Variants in CDKL5 observed in about 807,000 individuals in gnomAD.
CDKL5 encodes cyclin-dependent kinase-like 5.
CDKL5 carries 8 observed loss-of-function variants against 61.7 expected under a neutral mutation model. The observed-to-expected ratio is 0.13, with a 90% confidence interval of 0.08 to 0.23. The LOEUF (loss-of-function observed/expected upper bound fraction) is 0.23, where lower values mean the gene tolerates loss of function less well. CDKL5 is among the 10% of genes least tolerant of loss of function. The probability of loss-of-function intolerance (pLI) is 1.00; values close to 1 mark genes in which losing one functional copy is unlikely to be tolerated. For missense variants in CDKL5, 440 were observed against 734.5 expected (o/e 0.60, Z 4.63); for synonymous variants, 275 against 272.3 (o/e 1.01, Z -0.10).
intron 3 of CDKL5, among the ~76,000 whole-genome samples, chrX:18,541,677 C>T (rs148083458): frequency 1.8e-5 from 2 of 110,685 alleles, no homozygotes; most frequent in African/African-American, 3.3e-5. Context: ...ACCACAGACG[C>T]GCCCAGCTAA....
At chrX:18,539,975 G>T (rs931306379) in intron 3 of CDKL5, among the ~76,000 whole-genome samples, 1 of 111,505 alleles carries the variant, frequency 9.0e-6, no homozygotes, top group Non-Finnish European at 1.9e-5. Flanking sequence ...TTTCTTCTAC[G>T]TACATTGAGC....
At chrX:18,437,631 G>A (rs1469546786) in intron 1 of CDKL5, among the ~76,000 whole-genome samples, 1 of 112,137 alleles carries the variant, frequency 8.9e-6, no homozygotes, top group Non-Finnish European at 1.9e-5. Context: ...TTGTATAGGA[G>A]CACTACTCTT....
At chrX:18,613,647 A>C (rs1417368822) in intron 15 of CDKL5, among the ~76,000 whole-genome samples, 2 of 111,441 alleles carry the variant, frequency 1.8e-5, no homozygotes, top group Admixed American at 1.9e-4. Context: ...CTGTGCTTCC[A>C]TGCTAGTGGC....
chrX:18,610,876 G>T (rs1408803766), intron 14 of CDKL5, among the ~76,000 whole-genome samples: 12 of 112,039 alleles, frequency 1.1e-4, no homozygotes, highest in Admixed American at 5.7e-4. Context: ...CTATGCCCAT[G>T]TTGCCTAACT....
chrX:18,550,827 T>C lies in CDKL5; in HGVS notation c.100-13650T>C, dbSNP rs191920747. On this transcript the variant is annotated intron_variant, in intron 3 of 17. Transcript: ENST00000623535. ...CACAATAACTGCAGTATAGACGTGA[T>C]GGTTAATACTAAACTGAAAGGCTGT... 2.2e-3 allele frequency among the ~76,000 whole-genome samples: 248 copies of C among 112,870 alleles called. 3 individuals carry two copies. The highest frequency in any genetic ancestry group is 7.7e-3 in the African/African-American group (240 of 31,116).
At chrX:18,449,114 C>T (rs1437915396) in intron 1 of CDKL5, among the ~76,000 whole-genome samples, 8 of 112,181 alleles carry the variant, frequency 7.1e-5, no homozygotes, top group Admixed American at 2.8e-4. Context: ...CTTGGCCTCC[C>T]AAAGTGCTGG....
intron 1 of CDKL5, among the ~76,000 whole-genome samples, chrX:18,425,981 G>T (rs1371255027): frequency 8.9e-6 from 1 of 112,032 alleles, no homozygotes. Context: ...GAGGGGCGGC[G>T]GGTCGAGCCC....
chrX:18,537,118 C>T (rs1349817336), intron 3 of CDKL5, among the ~76,000 whole-genome samples: 2 of 110,405 alleles, frequency 1.8e-5, no homozygotes, highest in Non-Finnish European at 3.8e-5. Flanking sequence ...CTTGCTGTGA[C>T]AGTTTAAACA....
intron 2 of CDKL5, among the ~76,000 whole-genome samples, chrX:18,507,558 T>G (rs184784856): frequency 2.3e-4 from 24 of 105,109 alleles, no homozygotes; most frequent in Non-Finnish European, 3.8e-4. Flanking sequence ...TAAATTTCAT[T>G]CATTCATTCA....
chrX:18,506,551 A>G (rs1922585222), intron 1 of CDKL5, among the ~76,000 whole-genome samples: 1 of 112,624 alleles, frequency 8.9e-6, no homozygotes, highest in African/African-American at 3.2e-5. Flanking sequence ...GCCCAATCTT[A>G]GAACACACAC....
chrX:18,630,478 A>G lies in CDKL5; in HGVS notation c.*1721A>G, dbSNP rs1042917873. ...TCAAATTCTGAGTGTCAGCCCCTGC[A>G]TCAAGTCAGCTATGATCAAAATGTG... On this transcript the variant is annotated 3_prime_UTR_variant, in exon 18 of 18. Transcript: ENST00000623535. The G allele has an allele frequency of 2.7e-6, 2 of 751,069 alleles. No individual in the cohort carries two copies. The highest frequency in any genetic ancestry group is 4.7e-5 in the African/African-American group (2 of 42,735). 61.9% of individuals were successfully genotyped at this position (751,069 alleles called of 1,213,427 possible).
chrX:18,472,251 C>G (rs1281142238), intron 1 of CDKL5, among the ~76,000 whole-genome samples: 1 of 111,564 alleles, frequency 9.0e-6, no homozygotes, highest in South Asian at 3.7e-4. Context: ...ATTTAAAATG[C>G]TGTACTTTGG....
At chrX:18,648,794 GA>G (rs1365567460) in intron 20 of CDKL5, among the ~76,000 whole-genome samples, 4 of 111,295 alleles carry the variant, frequency 3.6e-5, no homozygotes, top group Non-Finnish European at 7.5e-5. Context: ...GGGTAAGGCC[GA>G]GAGAACTGCA....
At chrX:18,584,181 A>AT in intron 7 of CDKL5, 82 bp from the exon 8 acceptor site, 1 of 601,971 alleles carries the variant, frequency 1.7e-6, no homozygotes, top group Non-Finnish European at 2.9e-6. Context: ...TGTTTAAAGT[A>AT]TTACTAGCGC....
chrX:18,448,672 G>T (rs1234109841), intron 1 of CDKL5, among the ~76,000 whole-genome samples: 1 of 111,258 alleles, frequency 9.0e-6, no homozygotes, highest in Admixed American at 9.6e-5. Context: ...AGAGAGCCAG[G>T]GCTTGGTAAA....
At chrX:18,644,606 A>G, downstream of CDKL5, 1 of 1,210,917 alleles carries the variant, frequency 8.3e-7, no homozygotes. Context: ...CTGTCCTGGA[A>G]CTTGGAGAGC....
In CDKL5 at chrX:18,464,773, CAAA is replaced by C. The variant is rs776464773; in HGVS notation, c.-163+39079_-163+39081del. On this transcript the variant is annotated intron_variant, in intron 1 of 17. Coordinates refer to ENST00000623535, the MANE Select transcript of CDKL5 (RefSeq NM_001323289.2). ...GGTCTACCCCAGGTTCAGGCAATAACAAAGTGCATTTTCTTTAGGGAATTTAAA... is the reference window on the plus strand; with the variant it reads ...GGTCTACCCCAGGTTCAGGCAATAACGTGCATTTTCTTTAGGGAATTTAAA... Among the ~76,000 whole-genome samples the C allele has an allele frequency of 7.2e-4, 80 of 111,756 alleles. No individual in the cohort carries two copies. The Admixed American group carries it at 7.2e-3, about 10-fold the overall frequency.
intron 1 of CDKL5, among the ~76,000 whole-genome samples, chrX:18,464,640 G>A (rs112202684): frequency 2.7e-5 from 3 of 111,632 alleles, no homozygotes; most frequent in Admixed American, 9.6e-5. Context: ...GAGATATTCA[G>A]TGAATTATCA....
chrX:18,569,354 C>A, intron 4 of CDKL5, among the ~76,000 whole-genome samples: 1 of 111,625 alleles, frequency 9.0e-6, no homozygotes, highest in East Asian at 2.8e-4. Context: ...TGTATTCGTT[C>A]TGCTCATTGT....
Sources: allele counts gnomAD v4.1 joint callset (sites outside exome capture counted in the v4.1 genomes callset), GRCh38; gene constraint gnomAD v4.1.1; transcripts MANE v1.5; gene names NCBI Gene and HGNC (gene_info 2026-07-23, HGNC 2026-07-21).